The following MARCHF1 variants were observed in gnomAD, a reference collection of about 807,000 sequenced individuals.
MARCHF1 encodes membrane associated ring-CH-type finger 1.
In MARCHF1, 40 loss-of-function variants were observed where a neutral mutation model predicts 54.2. The ratio of observed to expected loss-of-function variants is 0.74; its 90% CI spans 0.57 to 0.96. The LOEUF is 0.96. Ranked by LOEUF, MARCHF1 falls within the 40% of genes least tolerant of loss-of-function variation. MARCHF1 has a pLI of 0.00. For synonymous variants in MARCHF1, 236 were observed against 236.3 expected (o/e 1.00, Z 0.01); for missense variants, 586 against 656.5 (o/e 0.89, Z 1.17).
chr4:164,154,605 A>G (rs1730028689), intron 1 of MARCHF1, among the ~76,000 whole-genome samples: 1 of 152,188 alleles, frequency 6.6e-6, no homozygotes, highest in Admixed American at 6.5e-5. Flanking sequence ...AAGCACGCAG[A>G]TGGGCAGGTG....
intron 1 of MARCHF1, among the ~76,000 whole-genome samples, chr4:164,160,084 A>T (rs1029829245): frequency 6.6e-6 from 1 of 152,138 alleles, no homozygotes; most frequent in Non-Finnish European, 1.5e-5. Context: ...CAAAGTGTTA[A>T]TTTTATTAGC....
At chr4:164,157,393 A>AC (rs1384304021) in intron 1 of MARCHF1, among the ~76,000 whole-genome samples, 5 of 152,208 alleles carry the variant, frequency 3.3e-5, no homozygotes, top group African/African-American at 1.2e-4. Flanking sequence ...AGGAGGCTTC[A>AC]CAGTTTGTGA....
intron 1 of MARCHF1, among the ~76,000 whole-genome samples, chr4:164,254,095 A>C (rs1733198861): frequency 6.6e-6 from 1 of 152,034 alleles, no homozygotes. Context: ...TGATCATACA[A>C]GTCTATATTT....
At chr4:164,152,234 T>C (rs1290697037) in intron 1 of MARCHF1, among the ~76,000 whole-genome samples, 1 of 152,178 alleles carries the variant, frequency 6.6e-6, no homozygotes, top group African/African-American at 2.4e-5. Context: ...ACCAGAGTGA[T>C]GTAGAGGAGA....
chr4:163,742,735 C>T (rs1027435300), intron 4 of MARCHF1, among the ~76,000 whole-genome samples: 2 of 152,048 alleles, frequency 1.3e-5, no homozygotes, highest in African/African-American at 4.8e-5. Context: ...ACCCGGACCT[C>T]CCAGTGTGTT....
chr4:164,183,355 T>C lies in MARCHF1; in HGVS notation c.-322-71693A>G, dbSNP rs577918248. Reference sequence around the variant, plus strand: ...ATTATCTGTTCAAATCTTTACTTTTTGATCCACTGAGTATTTGGTCTATTT... The same window carrying C: ...ATTATCTGTTCAAATCTTTACTTTTCGATCCACTGAGTATTTGGTCTATTT... On this transcript the variant is annotated intron_variant, in intron 1 of 9. Transcript: ENST00000514618. 4.5e-4 allele frequency among the ~76,000 whole-genome samples: 68 copies of C among 152,338 alleles called. No individual in the cohort carries two copies. The South Asian group carries it at 0.013, about 30-fold the overall frequency.
At chr4:164,333,174 ATG>A (rs1350441903) in intron 1 of MARCHF1, among the ~76,000 whole-genome samples, 2 of 152,118 alleles carry the variant, frequency 1.3e-5, no homozygotes, top group Non-Finnish European at 2.9e-5. Context: ...TCCTCTCCAC[ATG>A]TGTTTCAGAC....
intron 1 of MARCHF1, among the ~76,000 whole-genome samples, chr4:164,304,267 C>A (rs1170686864): frequency 1.3e-5 from 2 of 152,134 alleles, no homozygotes; most frequent in Non-Finnish European, 2.9e-5. Flanking sequence ...AGGGGAAAAA[C>A]ACAAACTGTG....
At chr4:164,003,511 A>G (rs572545379) in intron 2 of MARCHF1, among the ~76,000 whole-genome samples, 2 of 152,226 alleles carry the variant, frequency 1.3e-5, no homozygotes, top group South Asian at 4.1e-4. Context: ...TGTAAACACT[A>G]TTCAAAACAA....
chr4:164,006,096 T>C (rs1160534254), intron 2 of MARCHF1, among the ~76,000 whole-genome samples: 1 of 151,292 alleles, frequency 6.6e-6, no homozygotes, highest in East Asian at 1.9e-4. Context: ...CACAGAACCA[T>C]GACCTCAACA....
At chr4:164,226,506 C>T (rs955396860) in intron 1 of MARCHF1, among the ~76,000 whole-genome samples, 2 of 151,820 alleles carry the variant, frequency 1.3e-5, no homozygotes, top group African/African-American at 4.8e-5. Context: ...AATAAACACA[C>T]AAATAAATGA....
chr4:163,910,695 C>T (rs1423838526), intron 3 of MARCHF1, among the ~76,000 whole-genome samples: 1 of 152,158 alleles, frequency 6.6e-6, no homozygotes, highest in African/African-American at 2.4e-5. Context: ...CTGGGTTTCA[C>T]CATGTTGGCC....
At chr4:163,696,692 C>G (rs1394767526) in intron 5 of MARCHF1, among the ~76,000 whole-genome samples, 1 of 152,150 alleles carries the variant, frequency 6.6e-6, no homozygotes, top group Admixed American at 6.6e-5. Flanking sequence ...TCTATGTTTT[C>G]TAGCTTCCAT....
rs1005746894 is a variant in MARCHF1 at position 164,124,418 on chromosome 4, C to T, written c.-322-12756G>A. Among the ~76,000 whole-genome samples the T allele has an allele frequency of 1.2e-3, 178 of 152,210 alleles. 1 individual carries two copies. Among genetic ancestry groups the T allele is most frequent in the African/African-American group, 4.1e-3 (171 of 41,540 alleles). ...GAGCTGCTATAGGATCCAGCAATCC[C>T]ACTGCTGGGTATACACCCAAAAGAA... is the stretch of plus-strand genomic sequence containing the variant. On this transcript the variant is annotated intron_variant, in intron 1 of 9. Transcript: ENST00000514618.
intron 4 of MARCHF1, among the ~76,000 whole-genome samples, chr4:163,730,573 A>G (rs772462542): frequency 3.3e-5 from 5 of 152,018 alleles, no homozygotes; most frequent in South Asian, 4.1e-4. Flanking sequence ...TTTTTTATAC[A>G]TATTTTTATT....
chr4:163,961,648 G>T (rs921658458), intron 3 of MARCHF1, among the ~76,000 whole-genome samples: 10 of 151,924 alleles, frequency 6.6e-5, no homozygotes, highest in Admixed American at 2.0e-4. Context: ...AACTGTCATG[G>T]TTGACAGGCT....
At chr4:164,105,721 T>C (rs1156636972) in intron 2 of MARCHF1, among the ~76,000 whole-genome samples, 1 of 92,118 alleles carries the variant, frequency 1.1e-5, no homozygotes, top group Non-Finnish European at 2.3e-5. Context: ...ACTTCATGTC[T>C]AAAACACCAA....
intron 1 of MARCHF1, chr4:164,189,704 C>A (rs1251708019): frequency 4.0e-6 from 4 of 1,011,382 alleles, no homozygotes; most frequent in African/African-American, 1.6e-5. Context: ...ACAGTGGTAC[C>A]TACCAAGAAG....
At chr4:164,258,177 T>C (rs941170076) in intron 1 of MARCHF1, among the ~76,000 whole-genome samples, 6 of 151,848 alleles carry the variant, frequency 4.0e-5, no homozygotes, top group Non-Finnish European at 2.9e-5. Context: ...ATGTTCTCAC[T>C]CATAAGTGGG....
Sources: allele counts gnomAD v4.1 joint callset (sites outside exome capture counted in the v4.1 genomes callset), GRCh38; gene constraint gnomAD v4.1.1; transcripts MANE v1.5; gene names NCBI Gene and HGNC (gene_info 2026-07-23, HGNC 2026-07-21).